CAST: variants seen among roughly 807,000 people sequenced by gnomAD.
The protein encoded by CAST is calpastatin.
Under a neutral mutation model 119.6 loss-of-function variants are expected in CAST, and 76 were observed. The ratio of observed to expected loss-of-function variants is 0.64; its 90% CI spans 0.53 to 0.77. The LOEUF (loss-of-function observed/expected upper bound fraction) is 0.77. CAST is among the 30% of genes least tolerant of loss of function. CAST has a pLI of 0.00. For synonymous variants in CAST, 319 were observed against 331.6 expected (o/e 0.96, Z 0.41); for missense variants, 953 against 946.5 (o/e 1.01, Z -0.09).
At chr5:96,516,997 C>A in the CAST span, among the ~76,000 whole-genome samples, 1 of 152,168 alleles carries the variant, frequency 6.6e-6, no homozygotes, top group Non-Finnish European at 1.5e-5. Flanking sequence ...GCAATCATCT[C>A]GATTTCCCCA....
upstream of CAST, among the ~76,000 whole-genome samples, chr5:96,524,560 C>G (rs920024450): frequency 7.2e-5 from 11 of 152,118 alleles, no homozygotes; most frequent in African/African-American, 2.7e-4. Flanking sequence ...GTGTTATGGC[C>G]CGGGAAGTGG....
chr5:95,986,846 G>A, the CAST span, among the ~76,000 whole-genome samples: 1 of 152,144 alleles, frequency 6.6e-6, no homozygotes, highest in Admixed American at 6.6e-5. Flanking sequence ...ATGATTGTAA[G>A]CATCTATTAT....
chr5:96,059,430 G>A, the CAST span, among the ~76,000 whole-genome samples: 1 of 152,072 alleles, frequency 6.6e-6, no homozygotes, highest in South Asian at 2.1e-4. Context: ...ATAATAGCAC[G>A]GCAAATGATA....
At chr5:96,035,047 A>ATATATATATATATATATATATTTAAG in the CAST span, among the ~76,000 whole-genome samples, 1 of 92,850 alleles carries the variant, frequency 1.1e-5, no homozygotes, top group African/African-American at 4.2e-5. Flanking sequence ...TTAAGTATAT[A>ATATATATATATATATATATATTTAAG]TATATATATA....
chr5:96,245,637 A>AG, the CAST span, among the ~76,000 whole-genome samples: 21 of 148,028 alleles, frequency 1.4e-4, 1 homozygote, highest in Admixed American at 1.1e-3. Context: ...AAAAAAAAAA[A>AG]CAAATAGTGA....
At chr5:96,602,950 G>A (rs1261677733) in intron 1 of CAST, among the ~76,000 whole-genome samples, 1 of 152,158 alleles carries the variant, frequency 6.6e-6, no homozygotes, top group African/African-American at 2.4e-5. Context: ...GAAGAAGAAA[G>A]GGGCCTCTGT....
chr5:96,342,214 C>T, the CAST span, among the ~76,000 whole-genome samples: 1 of 152,110 alleles, frequency 6.6e-6, no homozygotes, highest in Non-Finnish European at 1.5e-5. Flanking sequence ...TGGGAAGAGC[C>T]TGGAAGTTTA....
At chr5:96,525,522 G>A (rs996936196), upstream of CAST, 7 of 152,180 alleles carry the variant, frequency 4.6e-5, no homozygotes, top group Admixed American at 2.0e-4. Context: ...CCCTCTTGCA[G>A]TTAAAAATTC....
the CAST span, among the ~76,000 whole-genome samples, chr5:96,357,433 G>A: frequency 1.3e-5 from 2 of 152,170 alleles, no homozygotes; most frequent in Non-Finnish European, 2.9e-5. Context: ...AATGCTTCCA[G>A]GTTTTGCCCA....
chr5:96,240,735 C>CTTTTT, the CAST span, among the ~76,000 whole-genome samples: 357 of 101,676 alleles, frequency 3.5e-3, no homozygotes, highest in Non-Finnish European at 4.9e-3. Flanking sequence ...AGCTAACTTT[C>CTTTTT]TTTTTTTTTT....
At chr5:96,503,560 G>A in the CAST span, among the ~76,000 whole-genome samples, 1 of 152,284 alleles carries the variant, frequency 6.6e-6, no homozygotes, top group South Asian at 2.1e-4. Flanking sequence ...GCTGCTACAC[G>A]ATTCCCGTGG....
chr5:96,543,774 C>T (rs1440792718), intron 1 of CAST, among the ~76,000 whole-genome samples: 1 of 152,114 alleles, frequency 6.6e-6, no homozygotes, highest in African/African-American at 2.4e-5. Context: ...TTTGTTTGCA[C>T]TTGGACATCT....
chr5:96,352,887 T>C, the CAST span, among the ~76,000 whole-genome samples: 1 of 152,316 alleles, frequency 6.6e-6, no homozygotes, highest in East Asian at 1.9e-4. Context: ...CCTGCTGCCA[T>C]GTAAGATGTG....
At chr5:96,458,072 A>T in the CAST span, among the ~76,000 whole-genome samples, 1 of 152,160 alleles carries the variant, frequency 6.6e-6, no homozygotes. Flanking sequence ...AGAGATTGGG[A>T]AACTATGGCT....
chr5:96,063,644 A>C, the CAST span, among the ~76,000 whole-genome samples: 1 of 152,124 alleles, frequency 6.6e-6, no homozygotes, highest in Non-Finnish European at 1.5e-5. Context: ...GCAGACACAC[A>C]ATGGTACTTC....
chr5:96,281,877 A>G, the CAST span, among the ~76,000 whole-genome samples: 1 of 152,158 alleles, frequency 6.6e-6, no homozygotes, highest in Non-Finnish European at 1.5e-5. Context: ...ATTGTGAAAA[A>G]AAGAGGGAAC....
At chr5:96,075,775 T>A in the CAST span, among the ~76,000 whole-genome samples, 3 of 152,244 alleles carry the variant, frequency 2.0e-5, no homozygotes, top group African/African-American at 7.2e-5. Flanking sequence ...TCCCTGGGCA[T>A]GTGCCTGCAT....
chr5:96,539,808 C>T (rs7714425), intron 1 of CAST, among the ~76,000 whole-genome samples: 94,035 of 152,030 alleles, frequency 0.62, 29,368 homozygotes, highest in East Asian at 0.86. Flanking sequence ...TTGCTGGCTT[C>T]AATTGGTGTA....
At chr5:96,744,982 A>T (rs1447633210) in intron 16 of CAST, among the ~76,000 whole-genome samples, 1 of 151,950 alleles carries the variant, frequency 6.6e-6, no homozygotes, top group African/African-American at 2.4e-5. Flanking sequence ...TTTTTTTTCG[A>T]TGCCTACTGT....
Sources: allele counts gnomAD v4.1 joint callset (sites outside exome capture counted in the v4.1 genomes callset), GRCh38; gene constraint gnomAD v4.1.1; transcripts MANE v1.5; gene names NCBI Gene and HGNC (gene_info 2026-07-23, HGNC 2026-07-21).